Variants in MAPRE3 observed in about 807,000 individuals in gnomAD.
MAPRE3 encodes microtubule-associated protein RP/EB family member 3.
Under a neutral mutation model 30.5 loss-of-function variants are expected in MAPRE3, and 2 were observed. The observed-to-expected ratio is 0.07, with a 90% CI of 0.03 to 0.21. MAPRE3 has a LOEUF of 0.21. Among genes scored for constraint, MAPRE3 ranks in the 10% least tolerant of loss-of-function variants. The pLI is 1.00. For synonymous variants in MAPRE3, 110 were observed against 127.7 expected (o/e 0.86, Z 0.93); for missense variants, 204 against 351.8 (o/e 0.58, Z 3.36).
chr2:26,994,753 T>C (rs1470546385), intron 1 of MAPRE3, among the ~76,000 whole-genome samples: 1 of 152,124 alleles, frequency 6.6e-6, no homozygotes, highest in East Asian at 1.9e-4. Flanking sequence ...TAATCCTGTC[T>C]ATAACATGTA....
intron 1 of MAPRE3, among the ~76,000 whole-genome samples, chr2:26,994,092 G>A (rs1035558276): frequency 3.3e-5 from 5 of 152,192 alleles, no homozygotes; most frequent in African/African-American, 1.2e-4. Flanking sequence ...TAATCTGGCT[G>A]TCTTGACTGT....
chr2:26,975,197 T>G (rs1057288053), intron 1 of MAPRE3, among the ~76,000 whole-genome samples: 1 of 152,182 alleles, frequency 6.6e-6, no homozygotes, highest in Non-Finnish European at 1.5e-5. Context: ...GGAGTGGTCT[T>G]CATTTGAAAT....
chr2:27,022,434 G>A, intron 2 of MAPRE3, 95 bp downstream of exon 2: 1 of 1,456,022 alleles, frequency 6.9e-7, no homozygotes, highest in Non-Finnish European at 9.4e-7. Context: ...ATACAGTCAT[G>A]CATGGCTGAA....
intron 1 of MAPRE3, among the ~76,000 whole-genome samples, chr2:27,007,691 C>T (rs1238296976): frequency 6.6e-6 from 1 of 152,114 alleles, no homozygotes; most frequent in African/African-American, 2.4e-5. Flanking sequence ...GAGGGGGCCC[C>T]TGTTAATCTT....
chr2:26,999,615 T>C (rs1299545757), intron 1 of MAPRE3, among the ~76,000 whole-genome samples: 1 of 149,048 alleles, frequency 6.7e-6, no homozygotes, highest in African/African-American at 2.5e-5. Flanking sequence ...GCGATTCTCC[T>C]GCCTCAGCCT....
Position 26,986,082 on chromosome 2 carries a change from A to G in MAPRE3, c.-8+15280A>G, listed in dbSNP as rs187180380. 6.3e-3 allele frequency among the ~76,000 whole-genome samples: 953 copies of G among 152,312 alleles called. 10 individuals carry two copies. Among genetic ancestry groups the G allele is most frequent in the African/African-American group, 0.022 (932 of 41,562 alleles). Reference sequence around the variant, plus strand: ...GTGTGCCAAAATCAAGGTGTTGGCAAGGCTGTGTTTCTTCTGGAGCCTCCA... The same window carrying G: ...GTGTGCCAAAATCAAGGTGTTGGCAGGGCTGTGTTTCTTCTGGAGCCTCCA... On this transcript the variant is annotated intron_variant, in intron 1 of 6. Transcript: ENST00000233121. The surrounding 1 kb of genome is among the most constrained non-coding windows in gnomAD (Gnocchi z 4.2).
intron 1 of MAPRE3, among the ~76,000 whole-genome samples, chr2:27,009,439 A>T (rs115437104): frequency 9.2e-4 from 140 of 152,368 alleles, no homozygotes; most frequent in African/African-American, 3.3e-3. Context: ...ACTAGAAAAG[A>T]TAATATAAAA....
Position 27,024,231 on chromosome 2 carries a change from G to A in MAPRE3, c.403G>A (p.Val135Ile), listed in dbSNP as rs776126217. The change falls in exon 4 of 7, where the codon GTA (valine) becomes ATA (isoleucine). Residue 135 changes from valine (V) to isoleucine (I), a missense_variant. Val to Ile is a conservative substitution (Grantham distance 29). This residue lies in a region of MAPRE3 where 101 missense variants were observed against 205.4 expected (regional missense o/e 0.49). Transcript: ENST00000233121. ...NPLLARQGQD[V>I]APPPNPGDQI... is the part of the protein sequence containing the mutation. ...TCTGCTGGCGCGGCAGGGCCAGGAC[G>A]TAGCGCCACCTCCTAACCCAGGTGA... The A allele has an allele frequency of 4.3e-6, 7 of 1,614,252 alleles. No individual in the cohort carries two copies. Among genetic ancestry groups the A allele is most frequent in the Admixed American group, 3.3e-5 (2 of 60,038 alleles).
At chr2:26,988,018 A>G (rs1666256729) in intron 1 of MAPRE3, among the ~76,000 whole-genome samples, 1 of 152,276 alleles carries the variant, frequency 6.6e-6, no homozygotes, top group Admixed American at 6.5e-5. Flanking sequence ...CATGAAGTTC[A>G]AGGTAGGGGA....
chr2:26,987,359 G>A (rs1171993120), intron 1 of MAPRE3, among the ~76,000 whole-genome samples: 2 of 152,170 alleles, frequency 1.3e-5, no homozygotes, highest in African/African-American at 2.4e-5. Context: ...AAGTCTGGCT[G>A]GGCGCGGTGG....
rs552134937 is a variant in MAPRE3 at position 27,023,961 on chromosome 2, A to AG, written c.268-129dup. 1.8e-3 allele frequency: 1,201 copies of AG among 653,962 alleles called. 10 individuals carry two copies. Among genetic ancestry groups the AG allele is most frequent in the Non-Finnish European group, 4.0e-4 (147 of 371,518 alleles). The allele number at this position is 653,962 out of a possible 1,614,324, so 40.5% of individuals were successfully genotyped here. On this transcript the variant is annotated intron_variant, in intron 3 of 6. Coordinates refer to ENST00000233121, the MANE Select transcript of MAPRE3 (RefSeq NM_012326.4). ...TACCTGTCTGCTCTGGTGCCGTGGG[A>AG]GGGGGGCAAGTGGAGAAGGTGGAGG...
intron 1 of MAPRE3, chr2:26,995,663 A>G (rs1666435890): frequency 6.6e-6 from 1 of 152,128 alleles, no homozygotes; most frequent in Non-Finnish European, 1.5e-5. Context: ...TAAATGGAGG[A>G]GGAAGGGATA....
chr2:27,023,149 A>T (rs1402415702), intron 2 of MAPRE3, among the ~76,000 whole-genome samples, 183 bp from the exon 3 acceptor site: 1 of 152,166 alleles, frequency 6.6e-6, no homozygotes, highest in Non-Finnish European at 1.5e-5. Flanking sequence ...CGCATCAATA[A>T]ATAGTCATTG....
intron 1 of MAPRE3, among the ~76,000 whole-genome samples, chr2:26,971,043 C>T (rs1035828092): frequency 2.0e-4 from 31 of 152,178 alleles, no homozygotes; most frequent in African/African-American, 7.0e-4. Flanking sequence ...CCCCTTCCCT[C>T]CGTCTCTCCG....
chr2:26,990,284 C>T (rs78422444), intron 1 of MAPRE3, among the ~76,000 whole-genome samples: 1 of 152,196 alleles, frequency 6.6e-6, no homozygotes, highest in Non-Finnish European at 1.5e-5. Flanking sequence ...TTCCACACCC[C>T]CTCCTATGCG....
chr2:27,017,147 G>A (rs1014747252), intron 1 of MAPRE3, among the ~76,000 whole-genome samples: 2 of 152,212 alleles, frequency 1.3e-5, no homozygotes, highest in African/African-American at 4.8e-5. Context: ...AAGGAAACAA[G>A]GAGGCTGTTA....
chr2:26,997,964 G>A (rs1666503286), intron 1 of MAPRE3, among the ~76,000 whole-genome samples: 1 of 152,198 alleles, frequency 6.6e-6, no homozygotes, highest in Admixed American at 6.5e-5. Context: ...TGCCCACAGG[G>A]TGTCATCAGC....
intron 1 of MAPRE3, among the ~76,000 whole-genome samples, chr2:27,021,629 T>G (rs899789366): frequency 6.6e-6 from 1 of 152,200 alleles, no homozygotes; most frequent in African/African-American, 2.4e-5. Flanking sequence ...AGATTCCTCC[T>G]TCTGGTAAAC....
intron 1 of MAPRE3, among the ~76,000 whole-genome samples, chr2:26,974,144 T>A (rs556669527): frequency 6.6e-6 from 1 of 152,304 alleles, no homozygotes; most frequent in African/African-American, 2.4e-5. Context: ...CAGGATTAGA[T>A]CTCCAGATTT....
Sources: allele counts gnomAD v4.1 joint callset (sites outside exome capture counted in the v4.1 genomes callset), GRCh38; gene constraint gnomAD v4.1.1; regional missense constraint gnomAD v4.1.1; non-coding constraint Gnocchi (gnomAD v3.1); transcripts MANE v1.5; gene names NCBI Gene and HGNC (gene_info 2026-07-23, HGNC 2026-07-21).